The following PCDHGA1 variants were observed in gnomAD, a reference collection of about 807,000 sequenced individuals.
PCDHGA1 encodes protocadherin gamma-A1.
PCDHGA1 carries 32 observed loss-of-function variants against 58.0 expected under a neutral mutation model. That is an observed-to-expected ratio of 0.55 (90% CI 0.42 to 0.74). The LOEUF (loss-of-function observed/expected upper bound fraction) is 0.74. Among genes scored for constraint, PCDHGA1 ranks in the 30% least tolerant of loss-of-function variants. The pLI is 0.00. For synonymous variants in PCDHGA1, 498 were observed against 501.1 expected (o/e 0.99, Z 0.08); for missense variants, 1,205 against 1,182.3 (o/e 1.02, Z -0.28).
At chr5:141,340,694 G>T (rs760550572) in intron 1 of PCDHGA1, 1 of 1,614,176 alleles carries the variant, frequency 6.2e-7, no homozygotes, top group South Asian at 1.1e-5. Context: ...TTCCACTGGC[G>T]TGGAGCTGGC....
chr5:141,420,789 C>G (rs1403213574), intron 1 of PCDHGA1, among the ~76,000 whole-genome samples: 2 of 152,198 alleles, frequency 1.3e-5, no homozygotes, highest in Non-Finnish European at 2.9e-5. Flanking sequence ...ATTTTGAAAA[C>G]TTTTTAAAAA....
chr5:141,335,976 T>C (rs1010084540), intron 1 of PCDHGA1, among the ~76,000 whole-genome samples: 1 of 152,154 alleles, frequency 6.6e-6, no homozygotes, highest in African/African-American at 2.4e-5. Context: ...TATAGACAAA[T>C]GCAATAATTT....
At chr5:141,378,377 G>A (rs1488267882) in intron 1 of PCDHGA1, 1 of 152,208 alleles carries the variant, frequency 6.6e-6, no homozygotes, top group African/African-American at 2.4e-5. Flanking sequence ...ACAAAAATTA[G>A]CCAGGTGGGG....
chr5:141,361,664 A>G (rs1762121491), intron 1 of PCDHGA1: 1 of 1,613,702 alleles, frequency 6.2e-7, no homozygotes, highest in Non-Finnish European at 8.5e-7. Context: ...GTGAGCGCGC[A>G]GAGCGGGGTG....
chr5:141,484,930 G>A (rs992641330), intron 1 of PCDHGA1: 2 of 501,452 alleles, frequency 4.0e-6, no homozygotes, highest in South Asian at 2.6e-5. Flanking sequence ...CTGCTGTTGG[G>A]ACGTTCTCTG....
chr5:141,394,073 C>T (rs762892708), intron 1 of PCDHGA1: 14 of 1,613,718 alleles, frequency 8.7e-6, no homozygotes, highest in Non-Finnish European at 1.1e-5. Flanking sequence ...TCTACAATAT[C>T]ACAGTGATGG....
intron 1 of PCDHGA1, chr5:141,408,742 A>G: frequency 6.2e-7 from 1 of 1,610,074 alleles, no homozygotes; most frequent in Non-Finnish European, 8.5e-7. Flanking sequence ...ATTTTTCATT[A>G]ATGGTTAGAG....
At chr5:141,430,351 A>G (rs923321842) in intron 1 of PCDHGA1, among the ~76,000 whole-genome samples, 5 of 152,046 alleles carry the variant, frequency 3.3e-5, no homozygotes, top group African/African-American at 1.2e-4. Flanking sequence ...CAATTCATTT[A>G]AAAGCTCATT....
chr5:141,486,405 G>A lies in PCDHGA1; in HGVS notation c.2422-8402G>A. 6.2e-7 allele frequency: 1 copy of A among 1,614,114 alleles called. No homozygotes were observed. The highest frequency in any genetic ancestry group is 2.2e-5 in the East Asian group (1 of 44,862). On this transcript the variant is annotated intron_variant, in intron 1 of 3. Transcript: ENST00000517417. The surrounding 1 kb of genome is among the most constrained non-coding windows in gnomAD (Gnocchi z 5.0). ...AACCAGTTCTCCCTGGTGACTGCTG[G>A]ACCCTTGGATCGAGAGGCCAAATCT...
At chr5:141,369,768 A>T (rs548016343) in intron 1 of PCDHGA1, among the ~76,000 whole-genome samples, 1 of 152,252 alleles carries the variant, frequency 6.6e-6, no homozygotes, top group Non-Finnish European at 1.5e-5. Context: ...CGTGAAGCTG[A>T]TATTTCAAGC....
At position 141,486,112 on chromosome 5, in the gene PCDHGA1, G is replaced by A; in HGVS notation, c.2422-8695G>A. ...TGGGGCCCCTAGACTTTGAGAGTGA[G>A]AATTACTATGAATTTGATGTGCGGG... On this transcript the variant is annotated intron_variant, in intron 1 of 3. Transcript: ENST00000517417. This position sits in a 1 kb window ranked among gnomAD's most constrained non-coding sequence, Gnocchi z 5.0. 1 of 1,614,166 alleles carries A rather than the reference G, an allele frequency of 6.2e-7. No homozygotes were observed. Among genetic ancestry groups the A allele is most frequent in the Non-Finnish European group, 8.5e-7 (1 of 1,180,024 alleles).
At chr5:141,409,434 A>T in intron 1 of PCDHGA1, 2 of 1,613,992 alleles carry the variant, frequency 1.2e-6, no homozygotes, top group Non-Finnish European at 1.7e-6. Context: ...GGAGCCCTGG[A>T]CCGAGAGCAG....
chr5:141,416,996 C>T (rs1280099812), intron 1 of PCDHGA1: 1 of 151,012 alleles, frequency 6.6e-6, no homozygotes. Flanking sequence ...GTGCATTCAT[C>T]TCAAATAATT....
At chr5:141,389,315 G>A (rs1257183989) in intron 1 of PCDHGA1, 2 of 1,613,866 alleles carry the variant, frequency 1.2e-6, no homozygotes, top group African/African-American at 1.3e-5. Flanking sequence ...CTTCTGATCC[G>A]GACTTGGGGC....
intron 1 of PCDHGA1, chr5:141,357,413 C>A (rs374712311): frequency 6.2e-7 from 1 of 1,614,132 alleles, no homozygotes; most frequent in African/African-American, 1.3e-5. Flanking sequence ...GTGCCTGCCT[C>A]GCACTTTGTG....
At chr5:141,398,565 A>G (rs2150749377) in intron 1 of PCDHGA1, 2 of 1,614,040 alleles carry the variant, frequency 1.2e-6, no homozygotes, top group South Asian at 1.1e-5. Context: ...GTGAGTCTGC[A>G]CAGCCTGGCA....
intron 1 of PCDHGA1, chr5:141,399,104 A>G (rs561995889): frequency 6.2e-7 from 1 of 1,613,860 alleles, no homozygotes; most frequent in South Asian, 1.1e-5. Context: ...CTGGTTGCAC[A>G]ATGTACAGTT....
At position 141,339,213 on chromosome 5, in the gene PCDHGA1, G is replaced by A. The variant is rs767555728; in HGVS notation, c.2421+6108G>A. The A allele has an allele frequency of 9.3e-6, 15 of 1,614,026 alleles. No homozygotes were observed. Among genetic ancestry groups the A allele is most frequent in the Non-Finnish European group, 1.2e-5 (14 of 1,179,976 alleles). ...CAGCTCTTTGCTCTGAACCCGCGAA[G>A]CGGCAGCTTGGTCACTGCGAACAGG... On this transcript the variant is annotated intron_variant, in intron 1 of 3. Coordinates refer to ENST00000517417, the MANE Select transcript of PCDHGA1 (RefSeq NM_018912.3).
chr5:141,340,381 T>C, intron 1 of PCDHGA1: 2 of 1,614,150 alleles, frequency 1.2e-6, no homozygotes, highest in South Asian at 1.1e-5. Flanking sequence ...GAGGAGCCTC[T>C]GTCTTCTCAG....
Sources: gnomAD v4.1 joint callset for allele counts (sites outside exome capture counted in the v4.1 genomes callset) on GRCh38, gnomAD v4.1.1 for gene constraint, Gnocchi (gnomAD v3.1) non-coding constraint, MANE v1.5 for transcripts, NCBI Gene and HGNC (gene_info 2026-07-23, HGNC 2026-07-21) for gene names.